Variants in DPY19L3 observed in about 807,000 individuals in gnomAD.
The protein encoded by DPY19L3 is protein C-mannosyl-transferase DPY19L3.
A neutral mutation model predicts 92.3 loss-of-function variants in DPY19L3; 51 were observed. The observed-to-expected ratio is 0.55, with a 90% CI of 0.44 to 0.70. DPY19L3 has a LOEUF of 0.70. DPY19L3 is among the 30% of genes least tolerant of loss of function. The pLI is 0.00. For synonymous variants in DPY19L3, 309 were observed against 315.2 expected, an observed-to-expected ratio of 0.98 and a Z score of 0.21; for missense variants, 706 against 855.9, an observed-to-expected ratio of 0.82 and a Z score of 2.18.
chr19:32,483,594 A>G lies in DPY19L3; in HGVS notation c.*1354A>G, dbSNP rs1970729445. 6.6e-6 allele frequency: 1 copy of G among 152,536 alleles called. No homozygotes were observed. The highest frequency in any genetic ancestry group is 1.5e-5 in the Non-Finnish European group (1 of 68,044). The allele number at this position is 152,536 out of a possible 1,614,324, so 9.4% of individuals were successfully genotyped here. A position where few individuals can be genotyped will look rare whatever the true frequency, so the allele number is the denominator to read the frequency against. ...TCAAGATGGCTGCATCACATTTTCA[A>G]ATGATTTTATATTCAGTTGCTACTT... is the stretch of plus-strand genomic sequence containing the variant. On this transcript the variant is annotated 3_prime_UTR_variant, in exon 19 of 19. Coordinates refer to ENST00000392250, the MANE Select transcript of DPY19L3 (RefSeq NM_001172774.2).
intron 3 of DPY19L3, among the ~76,000 whole-genome samples, chr19:32,420,450 TTTG>T (rs1555716692): frequency 2.0e-5 from 3 of 152,022 alleles, no homozygotes; most frequent in South Asian, 2.1e-4. Context: ...TTTGTTTTTT[TTTG>T]TTGTTGTTGT....
intron 3 of DPY19L3, among the ~76,000 whole-genome samples, chr19:32,420,969 C>G (rs1021517546): frequency 2.0e-5 from 3 of 152,044 alleles, no homozygotes; most frequent in Non-Finnish European, 4.4e-5. Flanking sequence ...ATTTATGACC[C>G]CATTATAGTT....
intron 12 of DPY19L3, among the ~76,000 whole-genome samples, chr19:32,462,024 A>G (rs1205816686): frequency 6.6e-6 from 1 of 152,142 alleles, no homozygotes; most frequent in Admixed American, 6.5e-5. Flanking sequence ...TTTTTTTCCT[A>G]TACATATATC....
At chr19:32,455,818 G>C (rs1007957044) in intron 10 of DPY19L3, among the ~76,000 whole-genome samples, 9 of 152,080 alleles carry the variant, frequency 5.9e-5, no homozygotes, top group Non-Finnish European at 1.2e-4. Context: ...TGTTTTTATT[G>C]GCGTTTTAAT....
chr19:32,451,803 C>T (rs1969708575), intron 8 of DPY19L3, among the ~76,000 whole-genome samples: 1 of 152,040 alleles, frequency 6.6e-6, no homozygotes, highest in African/African-American at 2.4e-5. Context: ...CCTTAGTGCT[C>T]ATTATGTGCC....
intron 17 of DPY19L3, chr19:32,479,624 A>G: frequency 2.3e-6 from 1 of 438,310 alleles, no homozygotes; most frequent in South Asian, 1.6e-5. Context: ...ACTCGAAATC[A>G]GGGTGCAACA....
chr19:32,414,827 T>A (rs1568323917), intron 3 of DPY19L3, among the ~76,000 whole-genome samples: 1 of 152,166 alleles, frequency 6.6e-6, no homozygotes, highest in South Asian at 2.1e-4. Context: ...GCCTTCCTAC[T>A]TTCCTTAAAT....
At position 32,453,102 on chromosome 19, in the gene DPY19L3, C is replaced by T. The variant is rs1025458627; in HGVS notation, c.856-43C>T. The T allele has an allele frequency of 5.6e-6, 9 of 1,609,288 alleles. No individual in the cohort carries two copies. In the South Asian group the frequency reaches 1.0e-4, roughly 18 times the overall value. On this transcript the variant is annotated intron_variant, in intron 8 of 18. Coordinates refer to ENST00000392250, the MANE Select transcript of DPY19L3 (RefSeq NM_001172774.2). Reference sequence around the variant, plus strand: ...CCAACATGTCGACATGTGATGATCTCTTGGTAAAATGTCTGTACTCATCTA... The same window carrying T: ...CCAACATGTCGACATGTGATGATCTTTTGGTAAAATGTCTGTACTCATCTA...
At chr19:32,432,901 C>T (rs191197967) in intron 4 of DPY19L3, 95 bp downstream of exon 4, 9 of 942,692 alleles carry the variant, frequency 9.5e-6, no homozygotes, top group Middle Eastern at 2.2e-4. Context: ...TAAATGCTCT[C>T]TAGAACATGT....
In DPY19L3 at chr19:32,436,459, A is replaced by AAT. The variant is rs1568336454; in HGVS notation, c.347_348dup (p.Asp117MetfsTer8). ...ACATATCTATAGGTTTTCATGGCCTAATATATGATAATAAAACTGAATCTA... is the reference window on the plus strand; with the variant it reads ...ACATATCTATAGGTTTTCATGGCCTAATATATATGATAATAAAACTGAATCTA... On this transcript the variant is annotated frameshift_variant, in exon 5 of 19. Coordinates refer to ENST00000392250, the MANE Select transcript of DPY19L3 (RefSeq NM_001172774.2). LOFTEE classifies it high-confidence loss of function. 7 of 1,525,682 alleles carry AAT rather than the reference A, an allele frequency of 4.6e-6. No individual in the cohort carries two copies. The highest frequency in any genetic ancestry group is 5.4e-6 in the Non-Finnish European group (6 of 1,116,984). The allele number at this position is 1,525,682 out of a possible 1,614,324, so 94.5% of individuals were successfully genotyped here. A position where few individuals can be genotyped will look rare whatever the true frequency, so the allele number is the denominator to read the frequency against.
At chr19:32,454,896 T>C (rs745849913) in intron 9 of DPY19L3, 43 bp from the exon 10 acceptor site, 1 of 1,269,448 alleles carries the variant, frequency 7.9e-7, no homozygotes, top group Non-Finnish European at 1.1e-6. Flanking sequence ...TATGAAGTTA[T>C]ATTAAAACTT....
intron 10 of DPY19L3, among the ~76,000 whole-genome samples, chr19:32,455,365 T>A (rs1393138106): frequency 6.6e-6 from 1 of 152,236 alleles, no homozygotes; most frequent in Non-Finnish European, 1.5e-5. Flanking sequence ...TAACTTTGTC[T>A]TAGTAGCAAG....
intron 16 of DPY19L3, among the ~76,000 whole-genome samples, chr19:32,470,741 G>A (rs915684471): frequency 5.5e-5 from 8 of 145,248 alleles, no homozygotes; most frequent in African/African-American, 1.3e-4. Context: ...CTAACAGCTC[G>A]TCTCCCTGTA....
At chr19:32,465,402 A>G (rs758851514) in intron 15 of DPY19L3, among the ~76,000 whole-genome samples, 1 of 152,202 alleles carries the variant, frequency 6.6e-6, no homozygotes, top group Admixed American at 6.5e-5. Context: ...CACATCTTTG[A>G]CATTGGCAGT....
chr19:32,407,461 T>G (rs1203480273), intron 1 of DPY19L3, among the ~76,000 whole-genome samples: 2 of 152,186 alleles, frequency 1.3e-5, no homozygotes, highest in Non-Finnish European at 2.9e-5. Context: ...TCAACACATT[T>G]ACTATGGAGT....
At chr19:32,466,317 AC>A (rs2145606421) in intron 15 of DPY19L3, among the ~76,000 whole-genome samples, 1 of 152,348 alleles carries the variant, frequency 6.6e-6, no homozygotes, top group Non-Finnish European at 1.5e-5. Context: ...CTCCAGACCT[AC>A]CGAATCAGAA....
At chr19:32,424,701 A>G (rs150176298) in intron 3 of DPY19L3, among the ~76,000 whole-genome samples, 29 of 152,320 alleles carry the variant, frequency 1.9e-4, no homozygotes, top group African/African-American at 6.5e-4. Flanking sequence ...TCAGAATCCC[A>G]GGTGGACTTT....
chr19:32,463,410 C>T lies in DPY19L3; in HGVS notation c.1367C>T (p.Thr456Ile), dbSNP rs200181097. ...TCCGTGGGTAAAATGGAAAAAGGCA[C>T]AGTTGACCTGAAACCAGAAACTGCC... ...QQSVGKMEKG[T>I]VDLKPETAYN... The change falls in exon 13 of 19, where the codon ACA (threonine) becomes ATA (isoleucine). Residue 456 changes from threonine to isoleucine, a missense_variant. Coordinates refer to ENST00000392250, the MANE Select transcript of DPY19L3 (RefSeq NM_001172774.2). 137 of 1,613,828 alleles carry T rather than the reference C, an allele frequency of 8.5e-5. No homozygotes were observed. Among genetic ancestry groups the T allele is most frequent in the Admixed American group, 3.3e-4 (20 of 60,020 alleles).
intron 6 of DPY19L3, among the ~76,000 whole-genome samples, chr19:32,437,785 TC>T (rs68183971): frequency 0.39 from 59,171 of 151,352 alleles, 13,591 homozygotes; most frequent in Non-Finnish European, 0.53. Flanking sequence ...TGGGTTTTTT[TC>T]TTGCTGTTTT....
Sources: gnomAD v4.1 joint callset for allele counts (sites outside exome capture counted in the v4.1 genomes callset) on GRCh38, gnomAD v4.1.1 for gene constraint, MANE v1.5 for transcripts, NCBI Gene and HGNC (gene_info 2026-07-23, HGNC 2026-07-21) for gene names.